The following TMEM181 variants were observed in gnomAD, a reference collection of about 807,000 sequenced individuals.
The protein encoded by TMEM181 is G protein-coupled receptor 178.
TMEM181 carries 39 observed loss-of-function variants against 71.9 expected under a neutral mutation model. The ratio of observed to expected loss-of-function variants is 0.54; its 90% CI spans 0.42 to 0.71. The LOEUF is 0.71. TMEM181 is among the 30% of genes least tolerant of loss of function. The probability of loss-of-function intolerance (pLI) is 0.00; values close to 1 mark genes in which losing one functional copy is unlikely to be tolerated. For missense variants in TMEM181, 595 were observed against 583.0 expected (o/e 1.02, Z -0.21); for synonymous variants, 245 against 228.8 (o/e 1.07, Z -0.64).
intron 1 of TMEM181, among the ~76,000 whole-genome samples, chr6:158,572,796 A>G (rs1468972328): frequency 1.3e-5 from 2 of 152,152 alleles, no homozygotes; most frequent in Non-Finnish European, 2.9e-5. Flanking sequence ...ACGGCAAGGC[A>G]GCGTCCGTGT....
intron 1 of TMEM181, among the ~76,000 whole-genome samples, chr6:158,545,538 T>C (rs1047307663): frequency 2.0e-5 from 3 of 152,250 alleles, no homozygotes; most frequent in African/African-American, 7.2e-5. Context: ...TGCTGTGGGA[T>C]GCAGGGGCAC....
At chr6:158,611,514 T>C (rs753162472) in intron 10 of TMEM181, 34 of 504,542 alleles carry the variant, frequency 6.7e-5, no homozygotes, top group Non-Finnish European at 1.3e-4. Flanking sequence ...AAATTAAGAG[T>C]TCATGGAGTT....
Position 158,584,915 on chromosome 6 carries a change from A to C in TMEM181, c.260-389A>C, listed in dbSNP as rs184998357. On this transcript the variant is annotated intron_variant, in intron 4 of 16. Coordinates refer to ENST00000684151, the MANE Select transcript of TMEM181 (RefSeq NM_001376852.1). ...ATTTTATGATTTTTTTAAAATGAGA[A>C]TATAATGAGAAAAACCTATAATCAG... 7.0e-3 allele frequency among the ~76,000 whole-genome samples: 1,062 copies of C among 152,354 alleles called. 21 individuals carry two copies. Among genetic ancestry groups the C allele is most frequent in the Non-Finnish European group, 6.3e-3 (429 of 68,038 alleles).
intron 3 of TMEM181, among the ~76,000 whole-genome samples, chr6:158,581,904 CTT>C (rs1350740744): frequency 6.6e-6 from 1 of 151,876 alleles, no homozygotes; most frequent in Admixed American, 6.6e-5. Flanking sequence ...TGAAACATAA[CTT>C]TACCTATAAA....
intron 8 of TMEM181, among the ~76,000 whole-genome samples, chr6:158,607,873 C>T (rs1358236864): frequency 6.6e-6 from 1 of 152,208 alleles, no homozygotes; most frequent in East Asian, 1.9e-4. Context: ...GCTACAGACA[C>T]AGCAGTCCTG....
chr6:158,547,887 C>CAAAAA (rs34148643), intron 1 of TMEM181, among the ~76,000 whole-genome samples: 1 of 57,040 alleles, frequency 1.8e-5, no homozygotes, highest in Admixed American at 2.0e-4. Context: ...AACTCTGTCT[C>CAAAAA]AAAAAAAAAA....
chr6:158,618,573 G>A (rs1186858141), intron 10 of TMEM181, among the ~76,000 whole-genome samples: 3 of 152,292 alleles, frequency 2.0e-5, no homozygotes, highest in East Asian at 3.9e-4. Context: ...AGTTGATGCT[G>A]TTTCTTCCTA....
intron 10 of TMEM181, among the ~76,000 whole-genome samples, chr6:158,623,093 C>T (rs1786060702): frequency 1.3e-5 from 2 of 152,194 alleles, no homozygotes; most frequent in Non-Finnish European, 2.9e-5. Flanking sequence ...TGAGTCACCC[C>T]GTCTGCTCCA....
chr6:158,628,135 G>A lies in TMEM181; in HGVS notation c.1110-273G>A. On this transcript the variant is annotated intron_variant, in intron 13 of 16. Transcript: ENST00000684151. ...CTTCAAGGCCCCGAGTAGGGAGAGT[G>A]TGATGGGGCCTGCAGCAGGGTTCAT... 6.5e-6 allele frequency: 4 copies of A among 618,682 alleles called. No homozygotes were observed. The East Asian group carries it at 9.5e-5, about 15-fold the overall frequency. 38.3% of individuals were successfully genotyped at this position (618,682 alleles called of 1,614,324 possible).
At chr6:158,631,242 C>T in intron 15 of TMEM181, 81 bp from the exon 16 acceptor site, 1 of 1,449,588 alleles carries the variant, frequency 6.9e-7, no homozygotes, top group East Asian at 2.3e-5. Context: ...CAACTCCCTT[C>T]CTTTGTCCGG....
At chr6:158,622,346 A>G (rs1237431291) in intron 10 of TMEM181, among the ~76,000 whole-genome samples, 1 of 152,088 alleles carries the variant, frequency 6.6e-6, no homozygotes, top group East Asian at 1.9e-4. Context: ...GGGATAAGTG[A>G]GGGGAATGGT....
intron 7 of TMEM181, 67 bp from the exon 8 acceptor site, chr6:158,607,177 G>T: frequency 1.5e-6 from 2 of 1,301,986 alleles, no homozygotes; most frequent in Non-Finnish European, 1.1e-6. Flanking sequence ...TGCCGGCAAG[G>T]TGTGAGCAAA....
intron 2 of TMEM181, among the ~76,000 whole-genome samples, chr6:158,578,811 C>G (rs1343117234): frequency 6.6e-6 from 1 of 152,192 alleles, no homozygotes; most frequent in African/African-American, 2.4e-5. Flanking sequence ...GATTTTAAAA[C>G]ACCATACTCC....
In TMEM181 at chr6:158,635,078, A is replaced by G. The variant is rs1208356521; in HGVS notation, c.*3190A>G. On this transcript the variant is annotated 3_prime_UTR_variant, in exon 17 of 17. Coordinates refer to ENST00000684151, the MANE Select transcript of TMEM181 (RefSeq NM_001376852.1). ...TTTCCCCTGGCCAAAGGGAAGTTGTATTAGTCTGTGACATCTTGTGATGCT... is the reference window on the plus strand; with the variant it reads ...TTTCCCCTGGCCAAAGGGAAGTTGTGTTAGTCTGTGACATCTTGTGATGCT... 1 of 151,964 alleles carries G rather than the reference A, an allele frequency of 6.6e-6. No homozygotes were observed. Among genetic ancestry groups the G allele is most frequent in the African/African-American group, 2.4e-5 (1 of 41,410 alleles). The allele number at this position is 151,964 out of a possible 1,614,324, so 9.4% of individuals were successfully genotyped here.
rs766770227 is a variant in TMEM181, at chr6:158,631,401, T to C, written c.1349+12T>C. ...GATGTGATTTATGGGTAAGTCCCTG[T>C]CCGTTAGAAGGCCGGCACACCTTGG... On this transcript the variant is annotated intron_variant, in intron 16 of 16. Transcript: ENST00000684151. 5 of 1,614,158 alleles carry C rather than the reference T, an allele frequency of 3.1e-6. No homozygotes were observed. Among genetic ancestry groups the C allele is most frequent in the Non-Finnish European group, 4.2e-6 (5 of 1,179,996 alleles).
At chr6:158,623,526 A>C in intron 10 of TMEM181, 24 bp from the exon 11 acceptor site, 4 of 1,433,798 alleles carry the variant, frequency 2.8e-6, no homozygotes, top group Non-Finnish European at 3.8e-6. Context: ...TTAATCTATA[A>C]TTATTTATAA....
rs1320991982 is a variant in TMEM181, at chr6:158,623,445, GTTTATA to G, written c.897-102_897-97del. 1.0e-5 allele frequency: 7 copies of G among 695,414 alleles called. No individual in the cohort carries two copies. The East Asian group carries it at 1.2e-4, about 12-fold the overall frequency. The allele number at this position is 695,414 out of a possible 1,614,324, so 43.1% of individuals were successfully genotyped here. On this transcript the variant is annotated intron_variant, in intron 10 of 16. Coordinates refer to ENST00000684151, the MANE Select transcript of TMEM181 (RefSeq NM_001376852.1). The stretch of plus-strand genomic sequence containing the variant: ...AATCCTTCACTGTTGGTAGGAAGTA[GTTTATA>G]TTAATAAGTAAAAAAAACAAAAAGT...
intron 1 of TMEM181, 105 bp downstream of exon 1, chr6:158,560,337 C>G (rs1782085129): frequency 5.1e-6 from 5 of 982,850 alleles, no homozygotes; most frequent in Non-Finnish European, 6.0e-6. Context: ...CCCTGGCGCC[C>G]ACGTGGAACT....
At chr6:158,547,393 C>A (rs555488656) in intron 1 of TMEM181, among the ~76,000 whole-genome samples, 1 of 152,176 alleles carries the variant, frequency 6.6e-6, no homozygotes, top group African/African-American at 2.4e-5. Flanking sequence ...CCAGGTGATT[C>A]TAGCTTCTGC....
Sources: gnomAD v4.1 joint callset for allele counts (sites outside exome capture counted in the v4.1 genomes callset) on GRCh38, gnomAD v4.1.1 for gene constraint, MANE v1.5 for transcripts, NCBI Gene and HGNC (gene_info 2026-07-23, HGNC 2026-07-21) for gene names.